The following TMC1 variants were observed in gnomAD, a reference collection of about 807,000 sequenced individuals.
TMC1 encodes transmembrane channel like 1.
Under a neutral mutation model 105.8 loss-of-function variants are expected in TMC1, and 84 were observed. That is an observed-to-expected ratio of 0.79 (90% CI 0.67 to 0.95). TMC1 has a LOEUF of 0.95. Ranked by LOEUF, TMC1 falls within the 40% of genes least tolerant of loss-of-function variation. TMC1 has a pLI of 0.00. For missense variants in TMC1, 817 were observed against 914.1 expected, an observed-to-expected ratio of 0.89 and a Z score of 1.37; for synonymous variants, 315 against 311.5, an observed-to-expected ratio of 1.01 and a Z score of -0.12.
At chr9:72,562,361 G>T (rs1162001823) in intron 1 of TMC1, among the ~76,000 whole-genome samples, 1 of 152,184 alleles carries the variant, frequency 6.6e-6, no homozygotes, top group Non-Finnish European at 1.5e-5. Context: ...CTGCTTGACA[G>T]ATATGAAAAC....
At chr9:72,718,795 C>T (rs956939350) in intron 8 of TMC1, among the ~76,000 whole-genome samples, 1 of 152,120 alleles carries the variant, frequency 6.6e-6, no homozygotes, top group African/African-American at 2.4e-5. Flanking sequence ...TTGTCTTTAG[C>T]TACCAGGGTG....
At chr9:72,769,171 ATTAC>A (rs528364215) in intron 12 of TMC1, among the ~76,000 whole-genome samples, 34 of 152,346 alleles carry the variant, frequency 2.2e-4, no homozygotes, top group African/African-American at 7.0e-4. Flanking sequence ...ACTTGGACAA[ATTAC>A]TTAACCTCTC....
intron 2 of TMC1, among the ~76,000 whole-genome samples, chr9:72,594,862 T>TCTG (rs1331866514): frequency 2.9e-4 from 43 of 150,148 alleles, no homozygotes; most frequent in Non-Finnish European, 5.9e-4. Context: ...CTCTGCTTCT[T>TCTG]CTTCTTCTTT....
chr9:72,559,146 G>A (rs546812246), intron 1 of TMC1, among the ~76,000 whole-genome samples: 1 of 151,478 alleles, frequency 6.6e-6, no homozygotes, highest in East Asian at 1.9e-4. Flanking sequence ...CCAGGCTGGA[G>A]TGCAATGGCG....
rs1447558158 is a variant in TMC1 at position 72,789,289 on chromosome 9, A to G, written c.1196A>G (p.Asp399Gly). Residue 399 changes from aspartate (D) to glycine (G), a missense_variant, in exon 15 of 24, where the codon GAC (aspartate) becomes GGC (glycine). Asp to Gly is a moderately conservative substitution (Grantham distance 94, BLOSUM62 -1). Transcript: ENST00000297784. ...CAGGAATTTGCACAGCAAGATCCTG[A>G]CACCCTTGGGTGGTGGGAAAAAAAT... The part of the protein sequence containing the change: ...RSQEFAQQDP[D>G]TLGWWEKNEM... 3 of 1,613,916 alleles carry G rather than the reference A, an allele frequency of 1.9e-6. No individual in the cohort carries two copies. The highest frequency in any genetic ancestry group is 2.7e-5 in the African/African-American group (2 of 74,918).
intron 1 of TMC1, among the ~76,000 whole-genome samples, chr9:72,570,998 T>C (rs534705396): frequency 6.7e-6 from 1 of 149,130 alleles, no homozygotes; most frequent in Non-Finnish European, 1.5e-5. Context: ...CAAATCTCCA[T>C]TTTTGTAAAT....
chr9:72,666,845 T>C (rs1022316324), intron 5 of TMC1, among the ~76,000 whole-genome samples: 3 of 149,730 alleles, frequency 2.0e-5, no homozygotes, highest in African/African-American at 7.4e-5. Flanking sequence ...GGCCCAGGAG[T>C]TTGAGACCAG....
In TMC1 at chr9:72,789,185, G is replaced by C. The variant is rs1163836411; in HGVS notation, c.1092G>C (p.Leu364=). Residue 364 remains leucine, a synonymous_variant, in exon 15 of 24, where the codon CTG becomes CTC. Transcript: ENST00000297784. Reference sequence around the variant, plus strand: ...AAAACGTCCACTTGATCAGATTCCTGAGGTTTCTGGCTAACTTCTTCGTGT... The same window carrying C: ...AAAACGTCCACTTGATCAGATTCCTCAGGTTTCTGGCTAACTTCTTCGTGT... ...VEENVHLIRF[L]RFLANFFVFL... The C allele has an allele frequency of 6.2e-7, 1 of 1,613,724 alleles. No homozygotes were observed. Among genetic ancestry groups the C allele is most frequent in the Non-Finnish European group, 8.5e-7 (1 of 1,179,968 alleles).
chr9:72,830,797 C>G (rs546186672), intron 23 of TMC1, 115 bp downstream of exon 23: 3 of 872,960 alleles, frequency 3.4e-6, no homozygotes, highest in Admixed American at 2.6e-5. Flanking sequence ...TTGCTGTGAG[C>G]GAGTCATTCC....
intron 3 of TMC1, among the ~76,000 whole-genome samples, chr9:72,617,908 G>GGTGTGT (rs58657161): frequency 1.5e-3 from 221 of 144,414 alleles, no homozygotes; most frequent in Middle Eastern, 0.01. Context: ...GTCTATGTGT[G>GGTGTGT]GTGTGTGTGT....
intron 9 of TMC1, 83 bp downstream of exon 9, chr9:72,740,292 T>C: frequency 1.6e-6 from 2 of 1,213,146 alleles, no homozygotes; most frequent in Non-Finnish European, 2.4e-6. Context: ...GTGAAAAAAA[T>C]CTTACATTTT....
At chr9:72,574,061 C>T (rs1012029625) in intron 1 of TMC1, among the ~76,000 whole-genome samples, 10 of 152,154 alleles carry the variant, frequency 6.6e-5, no homozygotes, top group South Asian at 4.1e-4. Context: ...TCTGTTCCTG[C>T]GTTAGTTTGC....
chr9:72,744,151 G>C (rs1827447304), intron 10 of TMC1, among the ~76,000 whole-genome samples: 1 of 152,188 alleles, frequency 6.6e-6, no homozygotes, highest in Admixed American at 6.5e-5. Context: ...AAATACATCA[G>C]CTCATTAATT....
Position 72,557,406 on chromosome 9 carries a change from G to C in TMC1, c.-427-20496G>C, listed in dbSNP as rs575781955. Among the ~76,000 whole-genome samples, 4 of 152,144 alleles carry C rather than the reference G, an allele frequency of 2.6e-5. No individual in the cohort carries two copies. The East Asian group carries it at 7.7e-4, about 29-fold the overall frequency. ...ACAAAAAAACAGAAATGACTCAAAT[G>C]TTTACAGTGATTACTTCTGGATGGG... On this transcript the variant is annotated intron_variant, in intron 1 of 23. Transcript: ENST00000297784.
intron 4 of TMC1, among the ~76,000 whole-genome samples, chr9:72,638,155 T>C (rs964155720): frequency 2.6e-5 from 4 of 152,092 alleles, no homozygotes; most frequent in African/African-American, 9.7e-5. Context: ...ATACTTTCTC[T>C]CCTCCCGCCC....
At chr9:72,748,599 A>C (rs934054341) in intron 10 of TMC1, among the ~76,000 whole-genome samples, 1 of 151,994 alleles carries the variant, frequency 6.6e-6, no homozygotes, top group Non-Finnish European at 1.5e-5. Context: ...TATTCTTTTC[A>C]TTTATGCTCT....
At chr9:72,797,124 C>T (rs1259296767) in intron 17 of TMC1, among the ~76,000 whole-genome samples, 1 of 152,052 alleles carries the variant, frequency 6.6e-6, no homozygotes, top group African/African-American at 2.4e-5. Flanking sequence ...ACAATTGCTA[C>T]AAAGATAATA....
intron 17 of TMC1, among the ~76,000 whole-genome samples, chr9:72,802,201 T>G (rs540165776): frequency 2.6e-5 from 4 of 152,076 alleles, no homozygotes; most frequent in African/African-American, 9.6e-5. Context: ...CAGGTCAGCC[T>G]GGGCAACATA....
intron 12 of TMC1, among the ~76,000 whole-genome samples, chr9:72,769,653 C>T (rs1336055886): frequency 6.6e-6 from 1 of 152,192 alleles, no homozygotes; most frequent in Non-Finnish European, 1.5e-5. Context: ...ACCCTAGTAG[C>T]AGCAACTTCA....
Sources: gnomAD v4.1 joint callset for allele counts (sites outside exome capture counted in the v4.1 genomes callset) on GRCh38, gnomAD v4.1.1 for gene constraint, MANE v1.5 for transcripts, NCBI Gene and HGNC (gene_info 2026-07-23, HGNC 2026-07-21) for gene names.